CRLS1: variants seen among roughly 807,000 people sequenced by gnomAD.
The protein encoded by CRLS1 is cardiolipin synthase (CMP-forming).
In CRLS1, 24 loss-of-function variants were observed where a neutral mutation model predicts 37.0. The ratio of observed to expected loss-of-function variants is 0.65; its 90% confidence interval spans 0.47 to 0.91. CRLS1 has a LOEUF of 0.91. Among genes scored for constraint, CRLS1 ranks in the 40% least tolerant of loss-of-function variants. The pLI is 0.00. For missense variants in CRLS1, 373 were observed against 395.8 expected, an observed-to-expected ratio of 0.94 and a Z score of 0.49; for synonymous variants, 135 against 159.7, an observed-to-expected ratio of 0.85 and a Z score of 1.17.
At chr20:6,013,329 G>A (rs1160005331) in intron 2 of CRLS1, among the ~76,000 whole-genome samples, 3 of 151,074 alleles carry the variant, frequency 2.0e-5, no homozygotes, top group Non-Finnish European at 1.5e-5. Context: ...TGGGACTATA[G>A]GTGTGCCACT....
Position 6,024,386 on chromosome 20 carries a change from G to A in CRLS1, c.575-6899G>A, listed in dbSNP as rs148547402. Among the ~76,000 whole-genome samples the A allele has an allele frequency of 5.9e-5, 9 of 152,308 alleles. No homozygotes were observed. The East Asian group carries it at 1.7e-3, about 29-fold the overall frequency. ...TTTGGGATGCAGTGAACCCGTCAGA[G>A]TCATCCATGAGGGTTGGAATCAACT... On this transcript the variant is annotated intron_variant, in intron 3 of 6. Coordinates refer to ENST00000378863, the MANE Select transcript of CRLS1 (RefSeq NM_019095.6).
intron 3 of CRLS1, 54 bp from the exon 4 acceptor site, chr20:6,031,231 C>A: frequency 9.0e-7 from 1 of 1,111,510 alleles, no homozygotes; most frequent in South Asian, 1.5e-5. Context: ...ATTCATAATG[C>A]ATATTAGTAC....
At chr20:6,013,138 T>G (rs1005442988) in intron 2 of CRLS1, among the ~76,000 whole-genome samples, 3 of 152,050 alleles carry the variant, frequency 2.0e-5, no homozygotes, top group Non-Finnish European at 1.5e-5. Flanking sequence ...TATATCTATG[T>G]GTATATAGAT....
rs1269166628 is a variant in CRLS1, at chr20:6,039,954, G to A, written c.*2796G>A. ...TTGGGATTTCCGGCCTGAACTGTAG[G>A]AAAATAAATTTCTGTTCTTTTAAGC... is the stretch of plus-strand genomic sequence containing the variant. On this transcript the variant is annotated 3_prime_UTR_variant, in exon 7 of 7. Coordinates refer to ENST00000378863, the MANE Select transcript of CRLS1 (RefSeq NM_019095.6). 6.6e-6 allele frequency: 1 copy of A among 152,162 alleles called. No individual in the cohort carries two copies. Among genetic ancestry groups the A allele is most frequent in the Non-Finnish European group, 1.5e-5 (1 of 68,038 alleles). The allele number at this position is 152,162 out of a possible 1,614,324, so 9.4% of individuals were successfully genotyped here.
chr20:6,029,978 G>A (rs376734072), intron 3 of CRLS1, among the ~76,000 whole-genome samples: 6 of 152,306 alleles, frequency 3.9e-5, no homozygotes, highest in African/African-American at 1.4e-4. Flanking sequence ...CAAAACTGGA[G>A]AGGACCATAA....
At chr20:6,006,967 A>G (rs1162803649) in intron 1 of CRLS1, 1 of 365,524 alleles carries the variant, frequency 2.7e-6, no homozygotes. Context: ...AGTTCCGTTC[A>G]CCATCATTTG....
Position 6,034,529 on chromosome 20 carries a change from T to C in CRLS1, c.795T>C (p.Ala265=). 1 of 1,612,448 alleles carries C rather than the reference T, an allele frequency of 6.2e-7. No homozygotes were observed. The highest frequency in any genetic ancestry group is 8.5e-7 in the Non-Finnish European group (1 of 1,179,266). The change falls in exon 6 of 7, where the codon GCT becomes GCC. Residue 265 remains alanine (A), a synonymous_variant. Coordinates refer to ENST00000378863, the MANE Select transcript of CRLS1 (RefSeq NM_019095.6). ...TGGCAGCTCCAGTTTTCAACTATGC[T>C]GACAGCATTTATCTTCAGATACTAT... The part of the protein sequence containing the change: ...ASLAAPVFNY[A]DSIYLQILWC...
chr20:6,006,094 T>G, upstream of CRLS1: 5 of 396,704 alleles, frequency 1.3e-5, no homozygotes, highest in Non-Finnish European at 2.1e-5. Context: ...GCCACCTGTA[T>G]AAGTGGAGTG....
Position 6,007,651 on chromosome 20 carries a change from TG to T in CRLS1, c.306+1103del, listed in dbSNP as rs539981747. On this transcript the variant is annotated intron_variant, in intron 1 of 6. Coordinates refer to ENST00000378863, the MANE Select transcript of CRLS1 (RefSeq NM_019095.6). ...CTGTGGATAATTTCTGAAGTTAATT[TG>T]GGGACCTTTTTTCTGATCTTTTGCT... Among the ~76,000 whole-genome samples, 13 of 152,358 alleles carry T rather than the reference TG, an allele frequency of 8.5e-5. 1 individual carries two copies. The highest frequency in any genetic ancestry group is 8.3e-4 in the South Asian group (4 of 4,830).
At chr20:6,020,065 A>G (rs1286465694) in intron 3 of CRLS1, among the ~76,000 whole-genome samples, 4 of 152,222 alleles carry the variant, frequency 2.6e-5, no homozygotes, top group Non-Finnish European at 5.9e-5. Context: ...TTAAAAAAGG[A>G]AACATGAAAA....
chr20:6,034,623 G>T, intron 6 of CRLS1, 68 bp downstream of exon 6: 2 of 1,149,300 alleles, frequency 1.7e-6, no homozygotes, highest in South Asian at 2.6e-5. Context: ...GCCCTAGAAT[G>T]ACCTTGTTCT....
intron 1 of CRLS1, chr20:6,007,496 C>A: frequency 7.7e-7 from 1 of 1,305,572 alleles, no homozygotes; most frequent in Non-Finnish European, 1.1e-6. Flanking sequence ...ATTAATGAGA[C>A]ACCTTAACTG....
intron 1 of CRLS1, chr20:6,007,215 T>G: frequency 6.9e-7 from 1 of 1,449,188 alleles, no homozygotes; most frequent in Non-Finnish European, 9.1e-7. Flanking sequence ...ACATCTTCAA[T>G]TGTTATGTCT....
At chr20:6,017,200 T>C (rs1978828726) in intron 3 of CRLS1, among the ~76,000 whole-genome samples, 1 of 152,180 alleles carries the variant, frequency 6.6e-6, no homozygotes, top group African/African-American at 2.4e-5. Flanking sequence ...TTGCCCAGGC[T>C]GGAGGCATAA....
chr20:6,035,949 C>A (rs1293428110), intron 6 of CRLS1, among the ~76,000 whole-genome samples: 1 of 151,944 alleles, frequency 6.6e-6, no homozygotes, highest in East Asian at 1.9e-4. Flanking sequence ...GGATTACAGG[C>A]GCCCACCACC....
intron 3 of CRLS1, chr20:6,023,547 G>T (rs1006593270): frequency 6.6e-6 from 1 of 152,038 alleles, no homozygotes; most frequent in Non-Finnish European, 1.5e-5. Context: ...AACTTCGAGG[G>T]CTCTGGGCTT....
intron 3 of CRLS1, among the ~76,000 whole-genome samples, chr20:6,018,394 A>G (rs1978940887): frequency 6.6e-6 from 1 of 152,136 alleles, no homozygotes; most frequent in Non-Finnish European, 1.5e-5. Flanking sequence ...TATGTAATTA[A>G]TGACAACGTA....
intron 1 of CRLS1, 136 bp downstream of exon 1, chr20:6,006,688 A>G (rs1253910866): frequency 8.3e-7 from 1 of 1,209,790 alleles, no homozygotes; most frequent in African/African-American, 1.6e-5. Context: ...AAAAGAAGTT[A>G]CTGGCAGGTC....
chr20:6,031,575 G>C (rs1403363773), intron 4 of CRLS1, among the ~76,000 whole-genome samples: 1 of 152,186 alleles, frequency 6.6e-6, no homozygotes, highest in Non-Finnish European at 1.5e-5. Flanking sequence ...ACCATGGATA[G>C]TCTAGAATTG....
Sources: gnomAD v4.1 joint callset for allele counts (sites outside exome capture counted in the v4.1 genomes callset) on GRCh38, gnomAD v4.1.1 for gene constraint, MANE v1.5 for transcripts, NCBI Gene and HGNC (gene_info 2026-07-23, HGNC 2026-07-21) for gene names.